Variants in GRHL2 observed in about 807,000 individuals in gnomAD.
GRHL2 encodes the protein grainyhead-like protein 2 homolog.
Under a neutral mutation model 83.8 loss-of-function variants are expected in GRHL2, and 21 were observed. That is an observed-to-expected ratio of 0.25 (90% CI 0.18 to 0.36). The LOEUF (loss-of-function observed/expected upper bound fraction) is 0.36. GRHL2 is among the 10% of genes least tolerant of loss of function. The pLI is 1.00. For missense variants in GRHL2, 623 were observed against 781.8 expected, an observed-to-expected ratio of 0.80 and a Z score of 2.42; for synonymous variants, 280 against 278.9, an observed-to-expected ratio of 1.00 and a Z score of -0.04.
intron 8 of GRHL2, among the ~76,000 whole-genome samples, chr8:101,600,100 T>C (rs1331894742): frequency 6.6e-6 from 1 of 152,106 alleles, no homozygotes; most frequent in Non-Finnish European, 1.5e-5. Flanking sequence ...AGGAAACGGG[T>C]TGGGAGTTTG....
intron 7 of GRHL2, among the ~76,000 whole-genome samples, chr8:101,596,867 C>T (rs976695418): frequency 4.6e-5 from 7 of 152,222 alleles, no homozygotes; most frequent in African/African-American, 1.7e-4. Flanking sequence ...TATTGAAGTA[C>T]GTGCTTTATT....
intron 7 of GRHL2, among the ~76,000 whole-genome samples, chr8:101,594,741 G>A (rs1394276664): frequency 6.6e-6 from 1 of 152,150 alleles, no homozygotes; most frequent in African/African-American, 2.4e-5. Context: ...TATCTTTCTT[G>A]TTTAGAATGC....
In GRHL2 at chr8:101,599,095, G is replaced by A; in HGVS notation, c.1042G>A (p.Glu348Lys). ...KESFNTIGNIEEIAYNAVSFT... is the reference protein window; with the variant it reads ...KESFNTIGNIKEIAYNAVSFT... Reference sequence around the variant, plus strand: ...GAGCTTTAATACGATTGGAAACATTGAAGAGATTGCATATAATGCTGTTTC... The same window carrying A: ...GAGCTTTAATACGATTGGAAACATTAAAGAGATTGCATATAATGCTGTTTC... Residue 348 changes from glutamate to lysine, a missense_variant, in exon 8 of 16, where the codon GAA (glutamate) becomes AAA (lysine). Physicochemically the swap from Glu to Lys is moderately conservative, Grantham distance 56. Around this residue, in one of 8 missense-constraint regions of GRHL2, gnomAD observed 96 missense variants for 144.8 expected, o/e 0.66. Transcript: ENST00000646743. The A allele has an allele frequency of 1.2e-6, 2 of 1,613,638 alleles. No individual in the cohort carries two copies. Among genetic ancestry groups the A allele is most frequent in the Middle Eastern group, 1.7e-4 (1 of 6,060 alleles).
At chr8:101,593,685 A>G (rs960611271) in intron 7 of GRHL2, among the ~76,000 whole-genome samples, 1 of 152,052 alleles carries the variant, frequency 6.6e-6, no homozygotes, top group Non-Finnish European at 1.5e-5. Flanking sequence ...TCAGAAAAAG[A>G]TCTTTGCAGA....
intron 1 of GRHL2, among the ~76,000 whole-genome samples, chr8:101,493,509 T>C (rs1023231602): frequency 5.3e-5 from 8 of 150,088 alleles, no homozygotes; most frequent in Non-Finnish European, 1.0e-4. Context: ...GAAAGGACGG[T>C]TCGCGAACTG....
chr8:101,519,270 G>A (rs1054493200), intron 1 of GRHL2, among the ~76,000 whole-genome samples: 10 of 151,430 alleles, frequency 6.6e-5, no homozygotes, highest in South Asian at 2.1e-4. Context: ...TAATCCTCCC[G>A]CCTTGGCTTC....
intron 1 of GRHL2, among the ~76,000 whole-genome samples, chr8:101,510,844 C>T (rs1810446336): frequency 6.6e-6 from 1 of 152,090 alleles, no homozygotes; most frequent in African/African-American, 2.4e-5. Context: ...CCTGTAATCC[C>T]AGTACTTTGG....
At chr8:101,568,616 T>A (rs1170583646) in intron 4 of GRHL2, among the ~76,000 whole-genome samples, 1 of 152,016 alleles carries the variant, frequency 6.6e-6, no homozygotes, top group East Asian at 1.9e-4. Flanking sequence ...ATTTATTCCA[T>A]CCCCTCAACC....
chr8:101,532,102 C>A (rs913917197), intron 1 of GRHL2, among the ~76,000 whole-genome samples: 1 of 152,176 alleles, frequency 6.6e-6, no homozygotes, highest in Non-Finnish European at 1.5e-5. Context: ...TATCTGTTAT[C>A]TCTTGTGATT....
chr8:101,570,119 A>G (rs1811792571), intron 4 of GRHL2, among the ~76,000 whole-genome samples: 1 of 152,256 alleles, frequency 6.6e-6, no homozygotes, highest in Admixed American at 6.5e-5. Context: ...ACACGTGAAT[A>G]ACATACAAAG....
intron 3 of GRHL2, among the ~76,000 whole-genome samples, chr8:101,553,474 C>A (rs1474341492): frequency 6.6e-6 from 1 of 152,162 alleles, no homozygotes; most frequent in African/African-American, 2.4e-5. Context: ...CCCATTCAGT[C>A]CCAGGCATGA....
At chr8:101,665,959 G>T (rs903087161) in intron 15 of GRHL2, among the ~76,000 whole-genome samples, 9 of 152,198 alleles carry the variant, frequency 5.9e-5, no homozygotes, top group Non-Finnish European at 1.0e-4. Context: ...AGGTGGTAAA[G>T]TACAAGTGTC....
chr8:101,644,120 A>G lies in GRHL2; in HGVS notation c.1518-11A>G. On this transcript the variant is annotated splice_polypyrimidine_tract_variant and intron_variant, in intron 12 of 15. Transcript: ENST00000646743. ...TGGTTTTACTTAAGGATTTCTGCTT[A>G]TCTTTTCTAGTGGCAGTGTCCTTGT... 6.2e-7 allele frequency: 1 copy of G among 1,612,596 alleles called. No homozygotes were observed.
At chr8:101,530,347 A>G (rs994627349) in intron 1 of GRHL2, among the ~76,000 whole-genome samples, 1 of 152,194 alleles carries the variant, frequency 6.6e-6, no homozygotes, top group African/African-American at 2.4e-5. Context: ...AGGCTTGTAA[A>G]GTGCTTTTGT....
At chr8:101,649,526 C>T in intron 14 of GRHL2, 27 bp downstream of exon 14, 1 of 1,548,112 alleles carries the variant, frequency 6.5e-7, no homozygotes, top group Non-Finnish European at 8.9e-7. Context: ...TTTCAGCCTC[C>T]AGGAAACCTG....
At chr8:101,635,818 A>T (rs1422996288) in intron 11 of GRHL2, among the ~76,000 whole-genome samples, 1 of 152,234 alleles carries the variant, frequency 6.6e-6, no homozygotes, top group Non-Finnish European at 1.5e-5. Flanking sequence ...TGAGCTAATG[A>T]CTAGAATGAC....
At chr8:101,580,969 C>A (rs1812040890) in intron 7 of GRHL2, among the ~76,000 whole-genome samples, 1 of 152,218 alleles carries the variant, frequency 6.6e-6, no homozygotes, top group Non-Finnish European at 1.5e-5. Flanking sequence ...TCCCAAAGTG[C>A]TGGGATTATA....
chr8:101,532,803 G>A lies in GRHL2; in HGVS notation c.21-10438G>A, dbSNP rs527705567. ...AGAATTCATGTGCTCTCAAGATAAAGGCTATGCTTGTGTGTGTGTGTGAGA... is the reference window on the plus strand; with the variant it reads ...AGAATTCATGTGCTCTCAAGATAAAAGCTATGCTTGTGTGTGTGTGTGAGA... On this transcript the variant is annotated intron_variant, in intron 1 of 15. Transcript: ENST00000646743. Among the ~76,000 whole-genome samples, 267 of 151,744 alleles carry A rather than the reference G, an allele frequency of 1.8e-3. 1 individual carries two copies. Among genetic ancestry groups the A allele is most frequent in the African/African-American group, 5.8e-3 (241 of 41,400 alleles).
the GRHL2 span, among the ~76,000 whole-genome samples, chr8:101,676,298 T>C: frequency 1.4e-4 from 21 of 151,868 alleles, no homozygotes; most frequent in South Asian, 3.6e-3. Flanking sequence ...AGAAAATTTT[T>C]GCAACCTACT....
Sources: gnomAD v4.1 joint callset for allele counts (sites outside exome capture counted in the v4.1 genomes callset) on GRCh38, gnomAD v4.1.1 for gene constraint, gnomAD v4.1.1 regional missense constraint, MANE v1.5 for transcripts, NCBI Gene and HGNC (gene_info 2026-07-23, HGNC 2026-07-21) for gene names.